The following RPTOR variants were observed in gnomAD, a reference collection of about 807,000 sequenced individuals.
RPTOR encodes the protein regulatory-associated protein of mTOR.
RPTOR carries 21 observed loss-of-function variants against 169.9 expected under a neutral mutation model. The ratio of observed to expected loss-of-function variants is 0.12; its 90% CI spans 0.09 to 0.18. RPTOR has a LOEUF of 0.18. Among genes scored for constraint, RPTOR ranks in the 10% least tolerant of loss-of-function variants. The probability of loss-of-function intolerance (pLI) is 1.00; values close to 1 mark genes in which losing one functional copy is unlikely to be tolerated. For missense variants in RPTOR, 1,133 were observed against 1,855.9 expected, an observed-to-expected ratio of 0.61 and a Z score of 7.16; for synonymous variants, 732 against 753.2, an observed-to-expected ratio of 0.97 and a Z score of 0.46.
chr17:80,963,076 G>C lies in RPTOR; in HGVS notation c.3939+19G>C. 7.5e-7 allele frequency: 1 copy of C among 1,341,016 alleles called. No individual in the cohort carries two copies. Among genetic ancestry groups the C allele is most frequent in the Non-Finnish European group, 1.0e-6 (1 of 966,360 alleles). The allele number at this position is 1,341,016 out of a possible 1,614,324, so 83.1% of individuals were successfully genotyped here. ...GCACTGGGTCAGTGTGGCGGTGGGT[G>C]GGGGTCGGGGGTCGGGGGCTGGGGT... On this transcript the variant is annotated intron_variant, in intron 33 of 33. Transcript: ENST00000306801.
intron 11 of RPTOR, among the ~76,000 whole-genome samples, chr17:80,849,738 T>G (rs2143724685): frequency 6.6e-6 from 1 of 152,342 alleles, no homozygotes; most frequent in East Asian, 1.9e-4. Flanking sequence ...CAGGCTGGTC[T>G]TGAACTCCTG....
chr17:80,899,829 C>T (rs2068452975), intron 20 of RPTOR, among the ~76,000 whole-genome samples: 1 of 151,952 alleles, frequency 6.6e-6, no homozygotes, highest in Non-Finnish European at 1.5e-5. Context: ...AGTATAAGAA[C>T]CATACACAGG....
intron 11 of RPTOR, among the ~76,000 whole-genome samples, chr17:80,853,980 C>CAAA (rs904687630): frequency 9.2e-6 from 1 of 109,088 alleles, no homozygotes; most frequent in African/African-American, 3.5e-5. Context: ...GACTCTGTCT[C>CAAA]AAAAAAAAAA....
chr17:80,930,324 A>AGCTCAGCTCATCCTCC (rs1555636987), intron 24 of RPTOR, among the ~76,000 whole-genome samples: 1 of 110,592 alleles, frequency 9.0e-6, no homozygotes, highest in Non-Finnish European at 1.8e-5. Flanking sequence ...AGCTCAGCTC[A>AGCTCAGCTCATCCTCC]GCTCATCCTC....
At chr17:80,589,559 T>C (rs2065088656) in intron 1 of RPTOR, among the ~76,000 whole-genome samples, 1 of 152,244 alleles carries the variant, frequency 6.6e-6, no homozygotes, top group African/African-American at 2.4e-5. Flanking sequence ...AGGCAGAGAC[T>C]TGACATCTTT....
At chr17:80,641,875 T>C (rs1482089814) in intron 2 of RPTOR, among the ~76,000 whole-genome samples, 1 of 152,150 alleles carries the variant, frequency 6.6e-6, no homozygotes, top group Non-Finnish European at 1.5e-5. Flanking sequence ...AATAACAAAA[T>C]TTGCTGCATT....
intron 14 of RPTOR, among the ~76,000 whole-genome samples, chr17:80,881,073 A>G (rs983361069): frequency 9.9e-5 from 15 of 152,264 alleles, no homozygotes; most frequent in African/African-American, 3.6e-4. Flanking sequence ...CTCCCAGCTT[A>G]GTAATGAGAA....
intron 1 of RPTOR, among the ~76,000 whole-genome samples, chr17:80,551,392 G>T (rs532671450): frequency 6.6e-6 from 1 of 152,140 alleles, no homozygotes; most frequent in African/African-American, 2.4e-5. Context: ...TTGATCATTC[G>T]TGGGTGTTTC....
chr17:80,919,484 G>T (rs980065597), intron 21 of RPTOR, among the ~76,000 whole-genome samples: 1 of 152,196 alleles, frequency 6.6e-6, no homozygotes, highest in African/African-American at 2.4e-5. Context: ...CCGCAGCCCT[G>T]ACTGTGTCAA....
chr17:80,611,317 C>T (rs999039187), intron 1 of RPTOR, among the ~76,000 whole-genome samples: 15 of 151,928 alleles, frequency 9.9e-5, no homozygotes, highest in South Asian at 2.1e-4. Context: ...GCTAGAGTGC[C>T]GTGATGCGAT....
chr17:80,637,044 T>A (rs2143577695), intron 2 of RPTOR, among the ~76,000 whole-genome samples: 1 of 152,240 alleles, frequency 6.6e-6, no homozygotes, highest in East Asian at 1.9e-4. Flanking sequence ...TGTGTGTGAA[T>A]CCCCAGTGCT....
intron 3 of RPTOR, among the ~76,000 whole-genome samples, chr17:80,677,545 A>G (rs1419986152): frequency 6.6e-6 from 1 of 150,780 alleles, no homozygotes; most frequent in African/African-American, 2.4e-5. Context: ...CTCCAGCCTC[A>G]CCTCCCACCA....
rs1209008038 is a variant in RPTOR at position 80,883,286 on chromosome 17, G to T, written c.1585-133G>T. 3.8e-6 allele frequency: 3 copies of T among 786,284 alleles called. No individual in the cohort carries two copies. The African/African-American group carries it at 5.1e-5, about 13-fold the overall frequency. The allele number at this position is 786,284 out of a possible 1,614,324, so 48.7% of individuals were successfully genotyped here. On this transcript the variant is annotated intron_variant, in intron 14 of 33. Coordinates refer to ENST00000306801, the MANE Select transcript of RPTOR (RefSeq NM_020761.3). ...TGTAGAGTCCACGTAAAATCCAGGA[G>T]TAAAGCTGGCTCTCGTTACTTTAAT...
chr17:80,899,486 A>G (rs2143901638), intron 20 of RPTOR, among the ~76,000 whole-genome samples: 1 of 152,244 alleles, frequency 6.6e-6, no homozygotes, highest in East Asian at 1.9e-4. Flanking sequence ...CCCCGGCCAC[A>G]GCTCCTGTGA....
At chr17:80,618,584 T>C (rs1259705366) in intron 1 of RPTOR, among the ~76,000 whole-genome samples, 1 of 152,182 alleles carries the variant, frequency 6.6e-6, no homozygotes, top group East Asian at 1.9e-4. Flanking sequence ...TTTCCTCTTC[T>C]CGTTTCCTTT....
chr17:80,902,462 G>A (rs1180344115), intron 20 of RPTOR, among the ~76,000 whole-genome samples: 2 of 152,240 alleles, frequency 1.3e-5, no homozygotes, highest in African/African-American at 4.8e-5. Context: ...GGATCCCCAT[G>A]TAGGTGCCTG....
At chr17:80,572,581 C>T (rs759392710) in intron 1 of RPTOR, among the ~76,000 whole-genome samples, 9 of 151,916 alleles carry the variant, frequency 5.9e-5, no homozygotes, top group East Asian at 1.9e-4. Context: ...AAAAAGTAGC[C>T]GGGCATGGTG....
intron 1 of RPTOR, among the ~76,000 whole-genome samples, chr17:80,560,035 C>T (rs769385733): frequency 2.0e-5 from 3 of 152,168 alleles, no homozygotes; most frequent in Non-Finnish European, 2.9e-5. Context: ...GTGAAGGGGA[C>T]GGAAGACGTG....
At chr17:80,884,271 C>A (rs1440625902) in intron 16 of RPTOR, among the ~76,000 whole-genome samples, 1 of 152,226 alleles carries the variant, frequency 6.6e-6, no homozygotes, top group Non-Finnish European at 1.5e-5. Context: ...TGCGTCCTCA[C>A]TGTGGCCTGC....
Sources: allele counts gnomAD v4.1 joint callset (sites outside exome capture counted in the v4.1 genomes callset), GRCh38; gene constraint gnomAD v4.1.1; transcripts MANE v1.5; gene names NCBI Gene and HGNC (gene_info 2026-07-23, HGNC 2026-07-21).